The following DUSP9 variants were observed in gnomAD, a reference collection of about 807,000 sequenced individuals.
DUSP9 encodes dual specificity protein phosphatase 9.
Under a neutral mutation model 13.2 loss-of-function variants are expected in DUSP9, and 4 were observed. The observed-to-expected ratio is 0.30, with a 90% confidence interval of 0.15 to 0.69. The LOEUF (loss-of-function observed/expected upper bound fraction) is 0.69. Among genes scored for constraint, DUSP9 ranks in the 30% least tolerant of loss-of-function variants. The pLI is 0.73. For missense variants in DUSP9, 263 were observed against 355.0 expected (o/e 0.74, Z 2.08); for synonymous variants, 166 against 172.3 (o/e 0.96, Z 0.29).
chrX:153,644,883 C>A (rs1319928622), upstream of DUSP9, among the ~76,000 whole-genome samples: 1 of 112,899 alleles, frequency 8.9e-6, no homozygotes, highest in South Asian at 3.6e-4. Context: ...CAGGAGCTCC[C>A]TCTCTAGCCG....
chrX:153,648,677 A>G (rs1307409098), intron 2 of DUSP9, among the ~76,000 whole-genome samples: 1 of 112,249 alleles, frequency 8.9e-6, no homozygotes, highest in Non-Finnish European at 1.9e-5. Context: ...CACTGGTGCA[A>G]TCACGGCTCA....
Position 153,650,318 on chromosome X carries a change from G to T in DUSP9, c.*13G>T. 8.9e-7 allele frequency: 1 copy of T among 1,124,452 alleles called. No individual in the cohort carries two copies. The highest frequency in any genetic ancestry group is 1.2e-6 in the Non-Finnish European group (1 of 842,908). 92.7% of individuals were successfully genotyped at this position (1,124,452 alleles called of 1,213,427 possible). On this transcript the variant is annotated 3_prime_UTR_variant, in exon 4 of 4. Coordinates refer to ENST00000342782, the MANE Select transcript of DUSP9 (RefSeq NM_001318503.2). ...GGCCCCCACCTAGGGCCCCGTGGCC[G>T]GCAGGCCGGCCCCTGCCCCACCCCC...
intron 2 of DUSP9, 127 bp from the exon 3 acceptor site, chrX:153,649,105 T>G: frequency 9.1e-6 from 6 of 658,014 alleles, no homozygotes; most frequent in Non-Finnish European, 1.4e-5. Context: ...GCTGCTGGGT[T>G]TTGTGTTCCC....
upstream of DUSP9, among the ~76,000 whole-genome samples, chrX:153,646,316 T>A (rs2091187661): frequency 9.1e-6 from 1 of 109,356 alleles, no homozygotes; most frequent in Non-Finnish European, 1.9e-5. Context: ...GTTGAGTGGA[T>A]GGCATTCTGA....
chrX:153,643,752 T>C (rs2091177460), upstream of DUSP9, among the ~76,000 whole-genome samples: 1 of 111,713 alleles, frequency 9.0e-6, no homozygotes, highest in Admixed American at 9.3e-5. Context: ...CGTGTGCTTG[T>C]GCGTGTCGGG....
chrX:153,644,295 C>CGGGGGT (rs2091180222), upstream of DUSP9, among the ~76,000 whole-genome samples: 1 of 5,658 alleles, frequency 1.8e-4, no homozygotes, highest in Non-Finnish European at 4.4e-4. Context: ...GGGGCGGGTG[C>CGGGGGT]GGGGGCGGGG....
intron 2 of DUSP9, 67 bp from the exon 3 acceptor site, chrX:153,649,165 C>A (rs1569538010): frequency 1.0e-5 from 11 of 1,067,443 alleles, no homozygotes; most frequent in South Asian, 1.9e-5. Flanking sequence ...ATCTCCCCAG[C>A]CCCAGACAGA....
At chrX:153,644,773 C>T (rs1557035295), upstream of DUSP9, among the ~76,000 whole-genome samples, 1 of 112,411 alleles carries the variant, frequency 8.9e-6, no homozygotes, top group East Asian at 2.8e-4. Context: ...TAGGCTTCCC[C>T]TCCCTTCCCC....
In DUSP9 at chrX:153,648,170, C is replaced by T; in HGVS notation, c.217C>T (p.Pro73Ser). Residue 73 changes from proline (P) to serine (S), a missense_variant, in exon 2 of 4, where the codon CCC (proline) becomes TCC (serine). Physicochemically the swap from Pro to Ser is moderately conservative, Grantham distance 74. Transcript: ENST00000342782. ...CCTGCCTGGGCCGCCGCTGCAGCCG[C>T]CCCCGCCTGCCCCCGTGCTCCTGTA... ...ALLPGPPLQP[P>S]PPAPVLLYDQ... 1 of 1,004,024 alleles carries T rather than the reference C, an allele frequency of 1.0e-6. No homozygotes were observed. The highest frequency in any genetic ancestry group is 1.2e-6 in the Non-Finnish European group (1 of 800,169). The allele number at this position is 1,004,024 out of a possible 1,213,427, so 82.7% of individuals were successfully genotyped here.
upstream of DUSP9, among the ~76,000 whole-genome samples, chrX:153,644,436 C>G (rs1557035258): frequency 9.4e-6 from 1 of 106,086 alleles, no homozygotes; most frequent in East Asian, 3.1e-4. Context: ...CACCCGGGAG[C>G]GGCTGCCGGC....
Position 153,650,175 on chromosome X carries a change from G to A in DUSP9, c.1025G>A (p.Arg342His), listed in dbSNP as rs782339585. The A allele has an allele frequency of 1.7e-5, 21 of 1,212,217 alleles. No individual in the cohort carries two copies. Among genetic ancestry groups the A allele is most frequent in the South Asian group, 5.3e-5 (3 of 57,060 alleles). Residue 342 changes from arginine to histidine, a missense_variant, in exon 4 of 4, where the codon CGC (arginine) becomes CAC (histidine). Physicochemically the swap from Arg to His is conservative, Grantham distance 29. Transcript: ENST00000342782. ...ATGGGGCAGTTGCTGGACTTTGAGC[G>A]CAGCTTGCGGCTGGAGGAGCGCCAC... ...NFMGQLLDFE[R>H]SLRLEERHSQ...
rs1383785272 is a variant in DUSP9 at position 153,648,115 on chromosome X, G to A, written c.162G>A (p.Leu54=). ...VALPALLLRR[L]RRGSLSVRAL... is the part of the protein sequence containing the mutation. ...TGCCGGCGCTCCTGCTGCGCCGCCT[G>A]CGGAGGGGCAGCCTGTCGGTGCGCG... The change falls in exon 2 of 4, where the codon CTG becomes CTA. Residue 54 remains leucine, a synonymous_variant. Transcript: ENST00000342782. The A allele has an allele frequency of 1.0e-6, 1 of 995,817 alleles. No individual in the cohort carries two copies. Among genetic ancestry groups the A allele is most frequent in the Non-Finnish European group, 1.3e-6 (1 of 793,843 alleles). The allele number at this position is 995,817 out of a possible 1,213,427, so 82.1% of individuals were successfully genotyped here.
chrX:153,649,737 C>T (rs1431126734), intron 3 of DUSP9, 50 bp downstream of exon 3: 10 of 1,041,926 alleles, frequency 9.6e-6, no homozygotes, highest in African/African-American at 1.9e-5. Context: ...AAGGCCTGCT[C>T]TGGCCTCCCC....
At chrX:153,647,623 T>G in intron 1 of DUSP9, 198 bp downstream of exon 1, 1 of 154,664 alleles carries the variant, frequency 6.5e-6, no homozygotes, top group Non-Finnish European at 1.3e-5. Flanking sequence ...AAGCTCGAAC[T>G]TGGGGAGCGT....
At chrX:153,646,065 G>T (rs185525908), upstream of DUSP9, among the ~76,000 whole-genome samples, 1 of 112,835 alleles carries the variant, frequency 8.9e-6, no homozygotes, top group Non-Finnish European at 1.9e-5. Flanking sequence ...TAACCTTTTA[G>T]TTGGGTATGA....
In DUSP9 at chrX:153,648,166, G is replaced by A; in HGVS notation, c.213G>A (p.Gln71=). The A allele has an allele frequency of 1.0e-6, 1 of 998,830 alleles. No individual in the cohort carries two copies. 82.3% of individuals were successfully genotyped at this position (998,830 alleles called of 1,213,427 possible). Residue 71 remains glutamine, a synonymous_variant, in exon 2 of 4, where the codon CAG becomes CAA. Transcript: ENST00000342782. Reference sequence around the variant, plus strand: ...CGCTCCTGCCTGGGCCGCCGCTGCAGCCGCCCCCGCCTGCCCCCGTGCTCC... The same window carrying A: ...CGCTCCTGCCTGGGCCGCCGCTGCAACCGCCCCCGCCTGCCCCCGTGCTCC... The part of the protein sequence containing the change: ...VRALLPGPPL[Q]PPPPAPVLLY...
intron 1 of DUSP9, 182 bp from the exon 2 acceptor site, chrX:153,647,737 C>A: frequency 3.3e-6 from 1 of 305,350 alleles, no homozygotes; most frequent in Non-Finnish European, 5.5e-6. Flanking sequence ...AGCCGCTCAG[C>A]CCTCTTCTCG....
At position 153,648,117 on chromosome X, in the gene DUSP9, G is replaced by A. The variant is rs2091196140; in HGVS notation, c.164G>A (p.Arg55Gln). 1.0e-6 allele frequency: 1 copy of A among 996,376 alleles called. No homozygotes were observed. The highest frequency in any genetic ancestry group is 1.3e-6 in the Non-Finnish European group (1 of 793,766). 82.1% of individuals were successfully genotyped at this position (996,376 alleles called of 1,213,427 possible). A position where few individuals can be genotyped will look rare whatever the true frequency, so the allele number is the denominator to read the frequency against. The change falls in exon 2 of 4, where the codon CGG becomes CAG. Residue 55 changes from arginine (R) to glutamine (Q), a missense_variant. Physicochemically the swap from Arg to Gln is conservative, Grantham distance 43 (BLOSUM62 1). Coordinates refer to ENST00000342782, the MANE Select transcript of DUSP9 (RefSeq NM_001318503.2). Reference protein sequence around the residue: ...ALPALLLRRLRRGSLSVRALL... With the variant: ...ALPALLLRRLQRGSLSVRALL... ...CCGGCGCTCCTGCTGCGCCGCCTGC[G>A]GAGGGGCAGCCTGTCGGTGCGCGCG...
chrX:153,645,988 C>G (rs782570717), upstream of DUSP9, among the ~76,000 whole-genome samples: 4 of 112,923 alleles, frequency 3.5e-5, no homozygotes, highest in African/African-American at 1.3e-4. Flanking sequence ...TGTTAGGCCA[C>G]CGCATTCCCT....
Sources: gnomAD v4.1 joint callset for allele counts (sites outside exome capture counted in the v4.1 genomes callset) on GRCh38, gnomAD v4.1.1 for gene constraint, MANE v1.5 for transcripts, NCBI Gene and HGNC (gene_info 2026-07-23, HGNC 2026-07-21) for gene names.